Variants in ANKRD18B observed in about 807,000 individuals in gnomAD.
The protein encoded by ANKRD18B is ankyrin repeat domain 18B.
Under a neutral mutation model 111.8 loss-of-function variants are expected in ANKRD18B, and 75 were observed. The observed-to-expected ratio is 0.67, with a 90% CI of 0.56 to 0.81. The LOEUF (loss-of-function observed/expected upper bound fraction) is 0.81. Among genes scored for constraint, ANKRD18B ranks in the 40% least tolerant of loss-of-function variants. ANKRD18B has a pLI of 0.00. For synonymous variants in ANKRD18B, 356 were observed against 417.3 expected (o/e 0.85, Z 1.79); for missense variants, 1,038 against 1,225.5 (o/e 0.85, Z 2.28).
chr9:33,553,495 C>A (rs1828477022), intron 12 of ANKRD18B, among the ~76,000 whole-genome samples: 1 of 152,136 alleles, frequency 6.6e-6, no homozygotes, highest in Non-Finnish European at 1.5e-5. Context: ...CCATCTCAAT[C>A]AATAGCCTCT....
intron 14 of ANKRD18B, 118 bp from the exon 15 acceptor site, chr9:33,566,101 A>G: frequency 1.1e-6 from 1 of 909,322 alleles, no homozygotes; most frequent in Non-Finnish European, 1.7e-6. Context: ...TGAAGAATCT[A>G]CTACATTATA....
At chr9:33,573,131 G>C (rs562494752), downstream of ANKRD18B, 2 of 1,288,278 alleles carry the variant, frequency 1.6e-6, no homozygotes, top group African/African-American at 3.0e-5. Context: ...TCTGGCACAA[G>C]GTGTTCTAAA....
intron 17 of ANKRD18B, among the ~76,000 whole-genome samples, chr9:33,570,675 G>A (rs1828760699): frequency 7.1e-6 from 1 of 141,694 alleles, no homozygotes; most frequent in Non-Finnish European, 1.5e-5. Flanking sequence ...GTTTCGCTCT[G>A]TCACTAGGCT....
intron 6 of ANKRD18B, among the ~76,000 whole-genome samples, chr9:33,539,089 A>G (rs929066990): frequency 3.9e-5 from 6 of 152,220 alleles, no homozygotes; most frequent in African/African-American, 1.4e-4. Context: ...ATACTTGTCC[A>G]CTTAAATAAT....
rs2118157080 is a variant in ANKRD18B at position 33,572,675 on chromosome 9, A to G, written c.*241A>G. The G allele has an allele frequency of 8.9e-7, 1 of 1,118,598 alleles. No individual in the cohort carries two copies. Among genetic ancestry groups the G allele is most frequent in the Non-Finnish European group, 1.1e-6 (1 of 914,388 alleles). 69.3% of individuals were successfully genotyped at this position (1,118,598 alleles called of 1,614,324 possible). ...CTGAATGTCAGCTGTTTAAACAGCC[A>G]AACAACCAAGTCATCATTGATACTG... On this transcript the variant is annotated 3_prime_UTR_variant, in exon 19 of 19. Coordinates refer to ENST00000684830, the MANE Select transcript of ANKRD18B (RefSeq NM_001393611.1).
At chr9:33,545,943 T>C (rs1047312034) in intron 10 of ANKRD18B, among the ~76,000 whole-genome samples, 1 of 152,210 alleles carries the variant, frequency 6.6e-6, no homozygotes, top group African/African-American at 2.4e-5. Context: ...ATGGCGGTTC[T>C]GGAAAACATT....
chr9:33,530,265 A>G (rs894784102), intron 3 of ANKRD18B, among the ~76,000 whole-genome samples: 3 of 152,142 alleles, frequency 2.0e-5, no homozygotes, highest in African/African-American at 7.2e-5. Context: ...TCCCCTGAGG[A>G]TTTTGATGTA....
intron 1 of ANKRD18B, among the ~76,000 whole-genome samples, chr9:33,528,358 T>C (rs1243312942): frequency 6.6e-6 from 1 of 152,262 alleles, no homozygotes; most frequent in Non-Finnish European, 1.5e-5. Flanking sequence ...CAGTTCTAAA[T>C]GCTTTATGAA....
chr9:33,537,003 A>G (rs1253869093), intron 6 of ANKRD18B, 58 bp downstream of exon 6: 5 of 1,346,078 alleles, frequency 3.7e-6, no homozygotes, highest in Non-Finnish European at 5.0e-6. Flanking sequence ...GATTTTAAAA[A>G]GCAAAATTAC....
intron 1 of ANKRD18B, among the ~76,000 whole-genome samples, chr9:33,528,338 G>T (rs1024965804): frequency 6.6e-6 from 1 of 152,212 alleles, no homozygotes; most frequent in African/African-American, 2.4e-5. Context: ...GTTGTTGCTT[G>T]TTCTGGAAAC....
Position 33,548,397 on chromosome 9 carries a change from A to G in ANKRD18B, c.1609A>G (p.Thr537Ala), listed in dbSNP as rs935503028. ...AATGGGTTCTAATATTTCTCAACTA[A>G]CAGATAAGAATGAGTTGCTTACTGA... ...ETMGSNISQL[T>A]DKNELLTEQV... The change falls in exon 11 of 19, where the codon ACA becomes GCA. Residue 537 changes from threonine (T) to alanine (A), a missense_variant. By Grantham distance (58) the Thr-to-Ala change is moderately conservative. Around this residue, in one of 4 missense-constraint regions of ANKRD18B, gnomAD observed 524 missense variants for 677.9 expected, o/e 0.77. Transcript: ENST00000684830. 1.3e-6 allele frequency: 2 copies of G among 1,550,724 alleles called. No individual in the cohort carries two copies. Among genetic ancestry groups the G allele is most frequent in the African/African-American group, 2.7e-5 (2 of 72,954 alleles).
chr9:33,556,373 C>T (rs1398190647), intron 13 of ANKRD18B, among the ~76,000 whole-genome samples: 2 of 151,552 alleles, frequency 1.3e-5, no homozygotes, highest in African/African-American at 2.4e-5. Flanking sequence ...AAGTGATTCT[C>T]TTGCCTCAGC....
Position 33,525,492 on chromosome 9 carries a change from A to G in ANKRD18B, c.206+797A>G, listed in dbSNP as rs1376495462. Among the ~76,000 whole-genome samples, 3 of 152,148 alleles carry G rather than the reference A, an allele frequency of 2.0e-5. No individual in the cohort carries two copies. In the East Asian group the frequency reaches 5.8e-4, roughly 29 times the overall value. On this transcript the variant is annotated intron_variant, in intron 1 of 18. Transcript: ENST00000684830. ...CTGCTGTGTGAAGAAAACTAATGAA[A>G]TTTTATGTCACAAAAATGAGTTCCT... is the stretch of plus-strand genomic sequence containing the variant.
At chr9:33,555,146 T>G (rs575670620) in intron 12 of ANKRD18B, among the ~76,000 whole-genome samples, 4 of 152,098 alleles carry the variant, frequency 2.6e-5, no homozygotes, top group Non-Finnish European at 5.9e-5. Context: ...ACAAAAGTTA[T>G]TATTTGTGTA....
At chr9:33,532,680 C>T (rs1356748117) in intron 3 of ANKRD18B, among the ~76,000 whole-genome samples, 1 of 152,108 alleles carries the variant, frequency 6.6e-6, no homozygotes, top group Non-Finnish European at 1.5e-5. Context: ...CTTAGTGGCC[C>T]CTTTGGATCA....
intron 4 of ANKRD18B, 88 bp downstream of exon 4, chr9:33,533,633 A>G (rs1828148509): frequency 1.4e-6 from 2 of 1,449,432 alleles, no homozygotes; most frequent in East Asian, 5.1e-5. Context: ...AGAAATGTTA[A>G]TAAGATTAAA....
rs1828272797 is a variant in ANKRD18B, at chr9:33,541,164, C to T, written c.1015C>T (p.Pro339Ser). ...TTTGACAGAAACAGCAGCTATGAAG[C>T]CTGAAAATTTGAAAAAAAGAAAAAA... ...RPCPETAAMK[P>S]ENLKKRKKRK... Residue 339 changes from proline (P) to serine (S), a missense_variant, in exon 9 of 19, where the codon CCT becomes TCT. Coordinates refer to ENST00000684830, the MANE Select transcript of ANKRD18B (RefSeq NM_001393611.1). 3 of 1,539,406 alleles carry T rather than the reference C, an allele frequency of 1.9e-6. No homozygotes were observed. The highest frequency in any genetic ancestry group is 1.2e-5 in the South Asian group (1 of 80,640).
chr9:33,531,973 G>A (rs1280496176), intron 3 of ANKRD18B, among the ~76,000 whole-genome samples: 3 of 152,144 alleles, frequency 2.0e-5, no homozygotes, highest in Non-Finnish European at 4.4e-5. Context: ...GATGGCTCAT[G>A]CTTGTAATCT....
intron 1 of ANKRD18B, among the ~76,000 whole-genome samples, chr9:33,525,805 G>GT (rs1828017828): frequency 6.7e-6 from 1 of 148,928 alleles, no homozygotes; most frequent in Admixed American, 6.7e-5. Flanking sequence ...ATCCTACAGG[G>GT]AATTTATTCT....
Sources: gnomAD v4.1 joint callset for allele counts (sites outside exome capture counted in the v4.1 genomes callset) on GRCh38, gnomAD v4.1.1 for gene constraint, gnomAD v4.1.1 regional missense constraint, MANE v1.5 for transcripts, NCBI Gene and HGNC (gene_info 2026-07-23, HGNC 2026-07-21) for gene names.